Variants in COL4A3 observed in about 807,000 individuals in gnomAD.
COL4A3 encodes the protein collagen alpha-3(IV) chain.
In COL4A3, 135 loss-of-function variants were observed where a neutral mutation model predicts 217.4. The ratio of observed to expected loss-of-function variants is 0.62; its 90% CI spans 0.54 to 0.72. COL4A3 has a LOEUF of 0.72. Among genes scored for constraint, COL4A3 ranks in the 30% least tolerant of loss-of-function variants. The pLI, the probability that COL4A3 is intolerant of heterozygous loss-of-function variation, is 0.00. For missense variants in COL4A3, 1,868 were observed against 2,119.9 expected (o/e 0.88, Z 2.33); for synonymous variants, 690 against 736.3 (o/e 0.94, Z 1.02).
At position 227,203,454 on chromosome 2, in the gene COL4A3, CATATATGTGTGTATATATGTGTATACAT is replaced by C; in HGVS notation, c.88-34511_88-34484del. ...ATATGTGTGTATATGTGTATACATACATATATGTGTGTATATATGTGTATACATATGTGTGTATATGTGTATATATACA... is the reference window on the plus strand; with the variant it reads ...ATATGTGTGTATATGTGTATACATACATGTGTGTATATGTGTATATATACA... On this transcript the variant is annotated intron_variant, in intron 1 of 51. Transcript: ENST00000396578. Among the ~76,000 whole-genome samples the C allele has an allele frequency of 4.6e-5, 2 of 43,292 alleles. 1 individual carries two copies. The highest frequency in any genetic ancestry group is 5.5e-4 in the Admixed American group (2 of 3,614). The allele number at this position is 43,292 out of a possible 152,430, so 28.4% of individuals were successfully genotyped here.
chr2:227,267,806 C>T (rs900072377), intron 23 of COL4A3, among the ~76,000 whole-genome samples: 2 of 142,738 alleles, frequency 1.4e-5, no homozygotes, highest in Non-Finnish European at 3.1e-5. Flanking sequence ...AAAAAAAAAA[C>T]ACAACATTTT....
chr2:227,207,803 G>T (rs1340622503), intron 1 of COL4A3, among the ~76,000 whole-genome samples: 1 of 152,220 alleles, frequency 6.6e-6, no homozygotes, highest in Non-Finnish European at 1.5e-5. Context: ...TCCCCTGGTG[G>T]GGGAGAGTTC....
chr2:227,236,769 C>T (rs975421814), intron 1 of COL4A3, among the ~76,000 whole-genome samples: 8 of 151,826 alleles, frequency 5.3e-5, no homozygotes, highest in African/African-American at 1.9e-4. Context: ...AAGCCATTCT[C>T]CTGCCTCAGC....
chr2:227,166,595 T>C (rs2065288660), intron 1 of COL4A3, among the ~76,000 whole-genome samples: 4 of 152,232 alleles, frequency 2.6e-5, no homozygotes, highest in Admixed American at 2.6e-4. Context: ...ATGTAAACTT[T>C]TCTGTTTTGA....
At chr2:227,231,590 G>A (rs978355644) in intron 1 of COL4A3, among the ~76,000 whole-genome samples, 1 of 151,898 alleles carries the variant, frequency 6.6e-6, no homozygotes, top group African/African-American at 2.4e-5. Context: ...GCATGATCTT[G>A]GCTCATTGCA....
intron 47 of COL4A3, among the ~76,000 whole-genome samples, chr2:227,305,867 G>C (rs1031664686): frequency 3.3e-5 from 5 of 152,110 alleles, no homozygotes; most frequent in African/African-American, 1.2e-4. Context: ...TTTTAGGATT[G>C]CTGACTTTGT....
chr2:227,253,610 T>C lies in COL4A3; in HGVS notation c.737T>C (p.Val246Ala), dbSNP rs761102944. Residue 246 changes from valine (V) to alanine (A), a missense_variant, in exon 13 of 52, where the codon GTG (valine) becomes GCG (alanine). By Grantham distance (64) the Val-to-Ala change is moderately conservative (BLOSUM62 0). Transcript: ENST00000396578. This position sits in a 1 kb window ranked among gnomAD's most constrained non-coding sequence, Gnocchi z 4.4. ...CCGGGACCACCAGGAACAGTTATTG[T>C]GACCCTAACTGGCCCAGATAACAGA... ...GPPGPPGTVIVTLTGPDNRTD... is the reference protein window; with the variant it reads ...GPPGPPGTVIATLTGPDNRTD... 3.7e-6 allele frequency: 6 copies of C among 1,614,148 alleles called. No homozygotes were observed. Among genetic ancestry groups the C allele is most frequent in the Non-Finnish European group, 5.1e-6 (6 of 1,179,984 alleles).
chr2:227,223,700 C>T (rs527789601), intron 1 of COL4A3, among the ~76,000 whole-genome samples: 6 of 152,302 alleles, frequency 3.9e-5, no homozygotes, highest in South Asian at 4.1e-4. Flanking sequence ...TGCCACTGCA[C>T]GCCAACCTGG....
intron 1 of COL4A3, among the ~76,000 whole-genome samples, chr2:227,219,091 T>G (rs2067650302): frequency 6.6e-6 from 1 of 151,820 alleles, no homozygotes; most frequent in African/African-American, 2.4e-5. Context: ...ACCTCCAAGG[T>G]TCAAGCGATT....
At position 227,202,763 on chromosome 2, in the gene COL4A3, A is replaced by ATCATATATATATTATATATATATG. The variant is rs1306988215; in HGVS notation, c.88-35204_88-35203insCATATATATATTATATATATATGT. Among the ~76,000 whole-genome samples, 415 of 109,622 alleles carry ATCATATATATATTATATATATATG rather than the reference A, an allele frequency of 3.8e-3. 15 individuals are homozygous for ATCATATATATATTATATATATATG. Among genetic ancestry groups the ATCATATATATATTATATATATATG allele is most frequent in the African/African-American group, 0.013 (404 of 31,130 alleles). 71.9% of individuals were successfully genotyped at this position (109,622 alleles called of 152,430 possible). A position where few individuals can be genotyped will look rare whatever the true frequency, so the allele number is the denominator to read the frequency against. On this transcript the variant is annotated intron_variant, in intron 1 of 51. Coordinates refer to ENST00000396578, the MANE Select transcript of COL4A3 (RefSeq NM_000091.5). ...AAAAAAAAAATATATATATATATAT[A>ATCATATATATATTATATATATATG]TATATATATCACATATATATACACA...
intron 1 of COL4A3, among the ~76,000 whole-genome samples, chr2:227,196,322 CTT>C (rs767607620): frequency 8.4e-5 from 12 of 142,028 alleles, no homozygotes; most frequent in South Asian, 2.3e-4. Context: ...ATGTTTTTAT[CTT>C]TTTTTTTTTT....
At chr2:227,187,290 G>A (rs555583661) in intron 1 of COL4A3, among the ~76,000 whole-genome samples, 1 of 152,304 alleles carries the variant, frequency 6.6e-6, no homozygotes, top group African/African-American at 2.4e-5. Context: ...ATTGGAGGGA[G>A]GATGAGGGTG....
At position 227,253,528 on chromosome 2, in the gene COL4A3, T is replaced by A. The variant is rs757380351; in HGVS notation, c.688-33T>A. 1 of 1,573,822 alleles carries A rather than the reference T, an allele frequency of 6.4e-7. No homozygotes were observed. Among genetic ancestry groups the A allele is most frequent in the Non-Finnish European group, 8.7e-7 (1 of 1,143,332 alleles). ...ACATTGAAATGTTGATGCTGTTGTT[T>A]ATTTTCTCACTCCTGAGTGTTTTTG... On this transcript the variant is annotated intron_variant, in intron 12 of 51. Transcript: ENST00000396578. This position sits in a 1 kb window ranked among gnomAD's most constrained non-coding sequence, Gnocchi z 4.4.
chr2:227,218,126 G>A (rs2067604566), intron 1 of COL4A3, among the ~76,000 whole-genome samples: 1 of 136,000 alleles, frequency 7.4e-6, no homozygotes, highest in Non-Finnish European at 1.6e-5. Flanking sequence ...TGCCTTAATA[G>A]CTAAACCCCT....
chr2:227,207,644 C>T (rs957892931), intron 1 of COL4A3, among the ~76,000 whole-genome samples: 2 of 152,198 alleles, frequency 1.3e-5, no homozygotes, highest in Admixed American at 6.5e-5. Context: ...TTCACATACG[C>T]ACTTTGGTGC....
intron 1 of COL4A3, among the ~76,000 whole-genome samples, chr2:227,196,066 T>G (rs895804476): frequency 3.3e-5 from 5 of 152,138 alleles, no homozygotes; most frequent in Non-Finnish European, 5.9e-5. Flanking sequence ...AATCAAGACG[T>G]TTTAAAAATT....
chr2:227,182,650 C>T (rs960242491), intron 1 of COL4A3, among the ~76,000 whole-genome samples: 1 of 152,086 alleles, frequency 6.6e-6, no homozygotes, highest in African/African-American at 2.4e-5. Flanking sequence ...GCATTATAAT[C>T]TCAGAAATAG....
intron 1 of COL4A3, among the ~76,000 whole-genome samples, chr2:227,232,749 CTGA>C (rs529352588): frequency 1.4e-4 from 21 of 151,840 alleles, no homozygotes; most frequent in Admixed American, 2.6e-4. Flanking sequence ...ACTCTAATTC[CTGA>C]TGGTTGAAAT....
At chr2:227,210,418 C>T (rs1413291227) in intron 1 of COL4A3, among the ~76,000 whole-genome samples, 2 of 150,450 alleles carry the variant, frequency 1.3e-5, no homozygotes, top group Admixed American at 1.3e-4. Context: ...TGGTGAAACC[C>T]CATCTCTACT....
Sources: allele counts gnomAD v4.1 joint callset (sites outside exome capture counted in the v4.1 genomes callset), GRCh38; gene constraint gnomAD v4.1.1; non-coding constraint Gnocchi (gnomAD v3.1); transcripts MANE v1.5; gene names NCBI Gene and HGNC (gene_info 2026-07-23, HGNC 2026-07-21).